COLEC11: variants seen among roughly 807,000 people sequenced by gnomAD.
COLEC11 encodes the protein collectin-11.
A neutral mutation model predicts 27.3 loss-of-function variants in COLEC11; 20 were observed. The observed-to-expected ratio is 0.73, with a 90% CI of 0.51 to 1.06. The LOEUF is 1.06. Among genes scored for constraint, COLEC11 ranks in the 50% least tolerant of loss-of-function variants. COLEC11 has a pLI of 0.00. For missense variants in COLEC11, 310 were observed against 383.0 expected (o/e 0.81, Z 1.59); for synonymous variants, 163 against 154.7 (o/e 1.05, Z -0.40).
chr2:3,641,708 G>T (rs1159201642), intron 5 of COLEC11, among the ~76,000 whole-genome samples: 1 of 152,204 alleles, frequency 6.6e-6, no homozygotes, highest in Non-Finnish European at 1.5e-5. Context: ...AAATGTGCAA[G>T]TGTGAGTGGA....
At position 3,595,147 on chromosome 2, in the gene COLEC11, C is replaced by CG. The variant is rs1558480025; in HGVS notation, c.-47dup. ...CGGGCCAGCGACGGGCAGGACGCCC[C>CG]GTTCGCCTAGCGCGTGCTCAGGTAG... On this transcript the variant is annotated 5_prime_UTR_variant, in exon 1 of 7. Coordinates refer to ENST00000349077, the MANE Select transcript of COLEC11 (RefSeq NM_024027.5). 2.9e-6 allele frequency: 1 copy of CG among 349,494 alleles called. No homozygotes were observed. Among genetic ancestry groups the CG allele is most frequent in the East Asian group, 8.7e-5 (1 of 11,500 alleles). The allele number at this position is 349,494 out of a possible 1,614,324, so 21.6% of individuals were successfully genotyped here. A position where few individuals can be genotyped will look rare whatever the true frequency, so the allele number is the denominator to read the frequency against.
intron 2 of COLEC11, among the ~76,000 whole-genome samples, chr2:3,612,151 G>C (rs963529029): frequency 2.6e-5 from 4 of 152,056 alleles, no homozygotes; most frequent in Non-Finnish European, 4.4e-5. Context: ...GAGAGGGAAG[G>C]TGAACTTGTA....
intron 2 of COLEC11, among the ~76,000 whole-genome samples, chr2:3,608,866 C>T (rs1458086397): frequency 6.6e-6 from 1 of 152,230 alleles, no homozygotes; most frequent in African/African-American, 2.4e-5. Context: ...GGTCCTGAAC[C>T]AGGGATTAAA....
chr2:3,613,200 C>A, intron 2 of COLEC11, 111 bp from the exon 3 acceptor site: 2 of 1,193,510 alleles, frequency 1.7e-6, no homozygotes, highest in Non-Finnish European at 2.4e-6. Flanking sequence ...AGGGGCTTGG[C>A]CACCTGCAGG....
intron 3 of COLEC11, among the ~76,000 whole-genome samples, chr2:3,618,910 C>T (rs1663977674): frequency 6.6e-6 from 1 of 152,146 alleles, no homozygotes. Context: ...CTAAATATGT[C>T]ATTCTGTTTG....
chr2:3,641,009 ACGG>A (rs1665818903), intron 5 of COLEC11, among the ~76,000 whole-genome samples: 2 of 101,134 alleles, frequency 2.0e-5, no homozygotes, highest in Non-Finnish European at 4.0e-5. Context: ...TGTAGACCCC[ACGG>A]TGGACACCCA....
chr2:3,634,169 G>A (rs1266556938), intron 3 of COLEC11, among the ~76,000 whole-genome samples: 4 of 152,212 alleles, frequency 2.6e-5, no homozygotes, highest in Non-Finnish European at 4.4e-5. Flanking sequence ...TGCTCAGGCC[G>A]TGACTGGGCA....
At chr2:3,614,143 T>G (rs72769327) in intron 3 of COLEC11, among the ~76,000 whole-genome samples, 3,077 of 150,984 alleles carry the variant, frequency 0.02, 102 homozygotes, top group African/African-American at 0.064. Flanking sequence ...AATTTTTTTT[T>G]GGGGGGTATT....
In COLEC11 at chr2:3,616,217, C is replaced by T. The variant is rs553994974; in HGVS notation, c.202+2835C>T. Among the ~76,000 whole-genome samples the T allele has an allele frequency of 3.5e-3, 513 of 145,820 alleles. 9 individuals carry two copies. The highest frequency in any genetic ancestry group is 0.013 in the African/African-American group (473 of 36,562). On this transcript the variant is annotated intron_variant, in intron 3 of 6. Transcript: ENST00000349077. ...CAGACGATGGGCGGCCGGGCAGAGA[C>T]GCTCCTCACTTCCCAGACAGGATGG...
intron 3 of COLEC11, among the ~76,000 whole-genome samples, chr2:3,627,012 G>A (rs1325274538): frequency 6.6e-6 from 1 of 152,168 alleles, no homozygotes; most frequent in Non-Finnish European, 1.5e-5. Flanking sequence ...TTCTGCCCGT[G>A]GGCTTGCTAG....
chr2:3,642,544 T>C (rs1178589676), intron 5 of COLEC11, among the ~76,000 whole-genome samples: 1 of 151,994 alleles, frequency 6.6e-6, no homozygotes, highest in Non-Finnish European at 1.5e-5. Context: ...CACCACCGTT[T>C]CAATATATGC....
chr2:3,637,235 G>A (rs945008920), intron 3 of COLEC11, among the ~76,000 whole-genome samples: 2 of 152,208 alleles, frequency 1.3e-5, no homozygotes, highest in African/African-American at 4.8e-5. Flanking sequence ...CAGGCACGGA[G>A]GGGATGGACC....
At chr2:3,604,195 GC>G (rs1169182028) in intron 1 of COLEC11, 119 bp from the exon 2 acceptor site, 1 of 1,068,150 alleles carries the variant, frequency 9.4e-7, no homozygotes, top group Non-Finnish European at 1.4e-6. Flanking sequence ...CGCCATGGGG[GC>G]CCAGACAGCC....
chr2:3,608,997 CA>C (rs1662958836), intron 2 of COLEC11, among the ~76,000 whole-genome samples: 1 of 152,232 alleles, frequency 6.6e-6, no homozygotes, highest in African/African-American at 2.4e-5. Flanking sequence ...GGAAGGAAAG[CA>C]GTTTCTGACT....
intron 3 of COLEC11, among the ~76,000 whole-genome samples, chr2:3,619,739 C>T (rs1183242946): frequency 2.0e-5 from 3 of 152,170 alleles, no homozygotes; most frequent in Non-Finnish European, 4.4e-5. Flanking sequence ...GATTCTCCTG[C>T]CTCAGCCGCC....
chr2:3,614,579 T>C (rs1663511518), intron 3 of COLEC11, among the ~76,000 whole-genome samples: 1 of 152,112 alleles, frequency 6.6e-6, no homozygotes, highest in East Asian at 1.9e-4. Context: ...TTATTAAGTT[T>C]AGAGAGGAAC....
chr2:3,600,248 A>G (rs1399537856), intron 1 of COLEC11, among the ~76,000 whole-genome samples: 1 of 149,080 alleles, frequency 6.7e-6, no homozygotes, highest in African/African-American at 2.5e-5. Flanking sequence ...AAAAAAAAAA[A>G]AAAGCAAAAC....
At chr2:3,603,372 A>G (rs1662382510) in intron 1 of COLEC11, 1 of 409,836 alleles carries the variant, frequency 2.4e-6, no homozygotes, top group Non-Finnish European at 4.5e-6. Context: ...GCTGGAGTGT[A>G]GTGGCGTGAT....
intron 3 of COLEC11, among the ~76,000 whole-genome samples, chr2:3,619,912 C>T (rs934839284): frequency 1.3e-5 from 2 of 152,184 alleles, no homozygotes; most frequent in Non-Finnish European, 2.9e-5. Context: ...AAGCATGAGC[C>T]ACCGCTCCCG....
Sources: allele counts gnomAD v4.1 joint callset (sites outside exome capture counted in the v4.1 genomes callset), GRCh38; gene constraint gnomAD v4.1.1; transcripts MANE v1.5; gene names NCBI Gene and HGNC (gene_info 2026-07-23, HGNC 2026-07-21).